PTPRN2: variants seen among roughly 807,000 people sequenced by gnomAD.
PTPRN2 encodes receptor-type tyrosine-protein phosphatase N2.
PTPRN2 carries 74 observed loss-of-function variants against 118.8 expected under a neutral mutation model. The observed-to-expected ratio is 0.62, with a 90% CI of 0.52 to 0.76. PTPRN2 has a LOEUF of 0.76. Among genes scored for constraint, PTPRN2 ranks in the 30% least tolerant of loss-of-function variants. The probability of loss-of-function intolerance (pLI) is 0.00; values close to 1 mark genes in which losing one functional copy is unlikely to be tolerated. For missense variants in PTPRN2, 1,481 were observed against 1,394.4 expected (o/e 1.06, Z -0.99); for synonymous variants, 641 against 608.0 (o/e 1.05, Z -0.80).
At chr7:158,311,266 C>CT (rs1009744843) in intron 3 of PTPRN2, among the ~76,000 whole-genome samples, 22 of 152,302 alleles carry the variant, frequency 1.4e-4, no homozygotes, top group African/African-American at 5.3e-4. Flanking sequence ...TTTTCCTTCT[C>CT]TTTTAAGGAA....
At chr7:158,136,213 A>G (rs1818796001) in intron 8 of PTPRN2, among the ~76,000 whole-genome samples, 1 of 152,134 alleles carries the variant, frequency 6.6e-6, no homozygotes, top group Non-Finnish European at 1.5e-5. Flanking sequence ...ATTTAATTTT[A>G]TTCAATTTAA....
chr7:158,321,305 C>G (rs1360800794), intron 2 of PTPRN2, among the ~76,000 whole-genome samples: 1 of 152,180 alleles, frequency 6.6e-6, no homozygotes, highest in Non-Finnish European at 1.5e-5. Flanking sequence ...ACCCTCAGGC[C>G]CCTCCTCTGC....
In PTPRN2 at chr7:158,006,867, C is replaced by T. The variant is rs527997372; in HGVS notation, c.1723+74431G>A. On this transcript the variant is annotated intron_variant, in intron 11 of 22. Transcript: ENST00000389418. ...GGACACCCCAGCTCCATCATGCGGT[C>T]ATGACATTTTGGACCAGGAGGGCCT... is the stretch of plus-strand genomic sequence containing the variant. Among the ~76,000 whole-genome samples, 9 of 152,302 alleles carry T rather than the reference C, an allele frequency of 5.9e-5. No homozygotes were observed. The South Asian group carries it at 1.9e-3, about 32-fold the overall frequency.
intron 14 of PTPRN2, among the ~76,000 whole-genome samples, chr7:157,636,306 G>A (rs941551529): frequency 1.3e-5 from 2 of 152,024 alleles, no homozygotes; most frequent in Non-Finnish European, 1.5e-5. Context: ...AGTTAATAAG[G>A]GAAATATGTT....
At chr7:158,558,927 G>A (rs1014392055) in intron 1 of PTPRN2, among the ~76,000 whole-genome samples, 4 of 152,078 alleles carry the variant, frequency 2.6e-5, no homozygotes, top group Non-Finnish European at 5.9e-5. Context: ...GGTTAATTAT[G>A]ACTGTATGTC....
intron 3 of PTPRN2, among the ~76,000 whole-genome samples, chr7:158,284,733 C>T (rs1219650319): frequency 2.0e-5 from 3 of 152,216 alleles, no homozygotes; most frequent in Admixed American, 2.0e-4. Flanking sequence ...GCATTCCCAC[C>T]CAGCTCCTCT....
chr7:158,524,710 C>T (rs920904140), intron 1 of PTPRN2, among the ~76,000 whole-genome samples: 1 of 152,168 alleles, frequency 6.6e-6, no homozygotes, highest in Non-Finnish European at 1.5e-5. Flanking sequence ...TTGGCGTTAA[C>T]CCTCAGCATG....
rs1367024011 is a variant in PTPRN2, at chr7:158,587,701, T to C, written c.-32A>G. On this transcript the variant is annotated 5_prime_UTR_variant, in exon 1 of 23. It removes an upstream start codon present in the reference 5' UTR. Coordinates refer to ENST00000389418, the MANE Select transcript of PTPRN2 (RefSeq NM_002847.5). ...GGCCTGGCCGGCGGCGCTCAGTCCA[T>C]GGCCGCGCGGGAGGCGGCGGGAGGC... 1.6e-5 allele frequency: 19 copies of C among 1,170,830 alleles called. No individual in the cohort carries two copies. The highest frequency in any genetic ancestry group is 2.0e-5 in the Non-Finnish European group (19 of 950,570). The allele number at this position is 1,170,830 out of a possible 1,614,324, so 72.5% of individuals were successfully genotyped here.
chr7:157,777,300 G>A (rs1449758953), intron 12 of PTPRN2, among the ~76,000 whole-genome samples: 1 of 152,242 alleles, frequency 6.6e-6, no homozygotes, highest in Non-Finnish European at 1.5e-5. Context: ...AGTTACAGAA[G>A]GGGCCATGCA....
chr7:157,691,016 C>G (rs1797459448), intron 12 of PTPRN2, among the ~76,000 whole-genome samples: 1 of 146,802 alleles, frequency 6.8e-6, no homozygotes, highest in Non-Finnish European at 1.5e-5. Context: ...GGCGCGCACC[C>G]GGCCGGCGGC....
intron 1 of PTPRN2, among the ~76,000 whole-genome samples, chr7:158,573,695 A>G (rs1286992743): frequency 6.6e-6 from 1 of 152,208 alleles, no homozygotes; most frequent in Non-Finnish European, 1.5e-5. Flanking sequence ...AGAGTCTGTA[A>G]TTGATGTATT....
intron 3 of PTPRN2, among the ~76,000 whole-genome samples, chr7:158,299,197 T>C (rs1190269954): frequency 6.6e-6 from 1 of 152,092 alleles, no homozygotes; most frequent in African/African-American, 2.4e-5. Flanking sequence ...CAAATCTCAG[T>C]GGTTACTGAA....
At chr7:157,558,595 C>T (rs1158861234) in intron 21 of PTPRN2, among the ~76,000 whole-genome samples, 1 of 152,244 alleles carries the variant, frequency 6.6e-6, no homozygotes, top group Non-Finnish European at 1.5e-5. Flanking sequence ...CTGGAACACG[C>T]ACACACCACT....
chr7:158,368,290 C>G (rs1809686095), intron 2 of PTPRN2, among the ~76,000 whole-genome samples: 1 of 152,174 alleles, frequency 6.6e-6, no homozygotes, highest in African/African-American at 2.4e-5. Flanking sequence ...GTAACAGCTG[C>G]CACAGCTTCC....
At chr7:158,221,849 C>T (rs1398024886) in intron 3 of PTPRN2, among the ~76,000 whole-genome samples, 2 of 152,030 alleles carry the variant, frequency 1.3e-5, no homozygotes, top group African/African-American at 4.8e-5. Flanking sequence ...AATTTAATAT[C>T]CAGAATCTGT....
chr7:157,559,379 C>T (rs1799065319), intron 21 of PTPRN2, among the ~76,000 whole-genome samples: 1 of 152,216 alleles, frequency 6.6e-6, no homozygotes, highest in Non-Finnish European at 1.5e-5. Flanking sequence ...TGCAGCCCTC[C>T]ACATGGGCCC....
chr7:157,641,618 T>C (rs1396312719), intron 14 of PTPRN2, among the ~76,000 whole-genome samples: 1 of 152,188 alleles, frequency 6.6e-6, no homozygotes, highest in African/African-American at 2.4e-5. Flanking sequence ...AGCCAGACTC[T>C]GGACGTGGCA....
chr7:158,138,930 G>T (rs1043871899), intron 6 of PTPRN2, among the ~76,000 whole-genome samples: 1 of 151,984 alleles, frequency 6.6e-6, no homozygotes, highest in African/African-American at 2.4e-5. Context: ...GCCTGGCAAG[G>T]ACAGCGCCCT....
At position 157,549,018 on chromosome 7, in the gene PTPRN2, A is replaced by G. The variant is rs931616765; in HGVS notation, c.2904T>C (p.Gly968=). 6.2e-7 allele frequency: 1 copy of G among 1,614,136 alleles called. No homozygotes were observed. The highest frequency in any genetic ancestry group is 8.5e-7 in the Non-Finnish European group (1 of 1,180,008). ...TCGCTGCGATATCAATCTCTTTAGCACCTGCAACAAACCACAAATTGGGCT... is the reference window on the plus strand; with the variant it reads ...TCGCTGCGATATCAATCTCTTTAGCGCCTGCAACAAACCACAAATTGGGCT... The part of the protein sequence containing the change: ...IDMVLNKMAK[G]AKEIDIAATL... The change falls in exon 22 of 23, where the codon GGT becomes GGC. Residue 968 remains glycine (G), a splice_region_variant and synonymous_variant. Coordinates refer to ENST00000389418, the MANE Select transcript of PTPRN2 (RefSeq NM_002847.5).
Sources: allele counts gnomAD v4.1 joint callset (sites outside exome capture counted in the v4.1 genomes callset), GRCh38; gene constraint gnomAD v4.1.1; transcripts MANE v1.5; gene names NCBI Gene and HGNC (gene_info 2026-07-23, HGNC 2026-07-21).